Variants in CCDC60 observed in about 807,000 individuals in gnomAD.
CCDC60 encodes the protein coiled-coil domain containing 60.
A neutral mutation model predicts 63.5 loss-of-function variants in CCDC60; 54 were observed. That is an observed-to-expected ratio of 0.85 (90% CI 0.68 to 1.07). The LOEUF (loss-of-function observed/expected upper bound fraction) is 1.07, where lower values mean the gene tolerates loss of function less well. CCDC60 is among the 50% of genes least tolerant of loss of function. The probability of loss-of-function intolerance (pLI) is 0.00; values close to 1 mark genes in which losing one functional copy is unlikely to be tolerated. For missense variants in CCDC60, 651 were observed against 684.3 expected (o/e 0.95, Z 0.54); for synonymous variants, 206 against 238.8 (o/e 0.86, Z 1.27).
chr12:119,510,329 A>T (rs1319773681), intron 7 of CCDC60, among the ~76,000 whole-genome samples: 1 of 152,050 alleles, frequency 6.6e-6, no homozygotes, highest in Non-Finnish European at 1.5e-5. Context: ...CTTTTTAAAC[A>T]ATGCACACTC....
At chr12:119,402,495 C>T (rs1956410102) in intron 1 of CCDC60, 1 of 152,204 alleles carries the variant, frequency 6.6e-6, no homozygotes, top group African/African-American at 2.4e-5. Flanking sequence ...TGAACCCCAC[C>T]TCTGTTCCTT....
intron 4 of CCDC60, among the ~76,000 whole-genome samples, chr12:119,485,387 CAT>C (rs1243648591): frequency 6.6e-6 from 1 of 152,176 alleles, no homozygotes; most frequent in Non-Finnish European, 1.5e-5. Flanking sequence ...GACGGGGCCT[CAT>C]GTGTGTCAGT....
intron 1 of CCDC60, among the ~76,000 whole-genome samples, chr12:119,345,268 C>G (rs950191436): frequency 1.3e-5 from 2 of 152,150 alleles, no homozygotes; most frequent in Non-Finnish European, 2.9e-5. Context: ...CTTTGGGAAG[C>G]CAAAGCAGGC....
At chr12:119,474,867 A>G (rs1317741519) in intron 3 of CCDC60, among the ~76,000 whole-genome samples, 4 of 152,142 alleles carry the variant, frequency 2.6e-5, no homozygotes, top group Non-Finnish European at 5.9e-5. Context: ...AGAAAAATAT[A>G]TACAATTTTT....
At chr12:119,516,800 T>G (rs1177539008) in intron 8 of CCDC60, 93 bp downstream of exon 8, 2 of 763,478 alleles carry the variant, frequency 2.6e-6, no homozygotes, top group Non-Finnish European at 4.4e-6. Flanking sequence ...ATTTTCTCTG[T>G]GACAGGCACT....
At chr12:119,483,831 T>G (rs1951379040) in intron 4 of CCDC60, among the ~76,000 whole-genome samples, 1 of 152,122 alleles carries the variant, frequency 6.6e-6, no homozygotes, top group Non-Finnish European at 1.5e-5. Context: ...TTTAAAAAAA[T>G]AAATGTTCTC....
At chr12:119,360,388 G>A (rs1221903349) in intron 1 of CCDC60, among the ~76,000 whole-genome samples, 1 of 86,988 alleles carries the variant, frequency 1.1e-5, no homozygotes, top group African/African-American at 4.7e-5. Context: ...CCGGGCGGGG[G>A]GCTGACCCCC....
chr12:119,416,013 AC>A (rs1471247185), intron 1 of CCDC60, among the ~76,000 whole-genome samples: 1 of 152,168 alleles, frequency 6.6e-6, no homozygotes, highest in East Asian at 1.9e-4. Flanking sequence ...AATTGACTTA[AC>A]CTCTCAGATA....
rs550926723 is a variant in CCDC60 at position 119,425,850 on chromosome 12, G to A, written c.91-2833G>A. 4.6e-5 allele frequency among the ~76,000 whole-genome samples: 7 copies of A among 152,306 alleles called. No homozygotes were observed. In the South Asian group the frequency reaches 1.5e-3, roughly 32 times the overall value. ...TAAACTAACCACTTTGACAGGGGAT[G>A]GTTTGTGCTGTTTGGCTTCAGTCAT... is the stretch of plus-strand genomic sequence containing the variant. On this transcript the variant is annotated intron_variant, in intron 1 of 13. Transcript: ENST00000327554.
chr12:119,452,444 C>T (rs986631819), intron 2 of CCDC60, among the ~76,000 whole-genome samples: 2 of 152,152 alleles, frequency 1.3e-5, no homozygotes, highest in African/African-American at 2.4e-5. Flanking sequence ...GGCTTAGGCC[C>T]GAGAACCAGT....
chr12:119,538,031 C>G (rs976298889), intron 13 of CCDC60, among the ~76,000 whole-genome samples: 2 of 152,254 alleles, frequency 1.3e-5, no homozygotes, highest in Non-Finnish European at 2.9e-5. Flanking sequence ...GAGGTGGAAT[C>G]TACAGAGGCA....
intron 1 of CCDC60, among the ~76,000 whole-genome samples, chr12:119,371,927 G>A (rs1006436391): frequency 6.6e-6 from 1 of 152,130 alleles, no homozygotes; most frequent in South Asian, 2.1e-4. Flanking sequence ...ATCCCAGGTG[G>A]GAGGTGGCAC....
chr12:119,399,951 C>T (rs764236705), intron 1 of CCDC60, among the ~76,000 whole-genome samples: 8 of 152,160 alleles, frequency 5.3e-5, no homozygotes, highest in Non-Finnish European at 1.0e-4. Flanking sequence ...GTATCGTGCA[C>T]TCCATGCTCT....
intron 6 of CCDC60, among the ~76,000 whole-genome samples, chr12:119,500,648 G>A (rs761411023): frequency 1.1e-4 from 16 of 151,568 alleles, no homozygotes. Flanking sequence ...GAGCCCAGGA[G>A]TTTGAGACGA....
chr12:119,448,178 C>CA (rs1015088853), intron 2 of CCDC60, among the ~76,000 whole-genome samples: 1,852 of 132,908 alleles, frequency 0.014, 23 homozygotes, highest in African/African-American at 0.044. Flanking sequence ...GTCTTATCAC[C>CA]AAAAAAAAAA....
chr12:119,410,395 AG>A lies in CCDC60; in HGVS notation c.91-18287del, dbSNP rs140054141. Among the ~76,000 whole-genome samples, 480 of 152,288 alleles carry A rather than the reference AG, an allele frequency of 3.2e-3. 18 individuals carry two copies. In the East Asian group the frequency reaches 0.063, roughly 20 times the overall value. ...ATACTACTTGCTTTAAAAAAACTAAAGTAATAAAAAATGAAATGACAGAAAA... is the reference window on the plus strand; with the variant it reads ...ATACTACTTGCTTTAAAAAAACTAAATAATAAAAAATGAAATGACAGAAAA... On this transcript the variant is annotated intron_variant, in intron 1 of 13. Transcript: ENST00000327554. This position sits in a 1 kb window ranked among gnomAD's most constrained non-coding sequence, Gnocchi z 4.0.
intron 1 of CCDC60, among the ~76,000 whole-genome samples, chr12:119,375,511 C>T (rs1955942444): frequency 6.6e-6 from 1 of 152,166 alleles, no homozygotes; most frequent in Admixed American, 6.5e-5. Flanking sequence ...CTCCACCCTA[C>T]CTACTGACCC....
intron 2 of CCDC60, among the ~76,000 whole-genome samples, chr12:119,469,043 A>C (rs1005400293): frequency 6.6e-6 from 1 of 152,138 alleles, no homozygotes; most frequent in Non-Finnish European, 1.5e-5. Flanking sequence ...TTCAAACCAA[A>C]AGGAAAACAC....
intron 4 of CCDC60, among the ~76,000 whole-genome samples, chr12:119,484,074 G>A (rs767450097): frequency 1.3e-5 from 2 of 152,048 alleles, no homozygotes; most frequent in Admixed American, 6.6e-5. Context: ...TCTCTACCCT[G>A]TAACAAGAGA....
Sources: allele counts gnomAD v4.1 joint callset (sites outside exome capture counted in the v4.1 genomes callset), GRCh38; gene constraint gnomAD v4.1.1; non-coding constraint Gnocchi (gnomAD v3.1); transcripts MANE v1.5; gene names NCBI Gene and HGNC (gene_info 2026-07-23, HGNC 2026-07-21).